Variants in HHIPL1 observed in about 807,000 individuals in gnomAD.
HHIPL1 encodes HHIP-like protein 1.
HHIPL1 carries 43 observed loss-of-function variants against 61.8 expected under a neutral mutation model. The observed-to-expected ratio is 0.70, with a 90% CI of 0.55 to 0.90. HHIPL1 has a LOEUF of 0.90. HHIPL1 is among the 40% of genes least tolerant of loss of function. The probability of loss-of-function intolerance (pLI) is 0.00; values close to 1 mark genes in which losing one functional copy is unlikely to be tolerated. For synonymous variants in HHIPL1, 482 were observed against 515.8 expected (o/e 0.93, Z 0.89); for missense variants, 1,056 against 1,157.7 (o/e 0.91, Z 1.28).
chr14:99,612,417 T>C, the HHIPL1 span, among the ~76,000 whole-genome samples: 1 of 152,148 alleles, frequency 6.6e-6, no homozygotes, highest in Non-Finnish European at 1.5e-5. Flanking sequence ...GCCCCATGTA[T>C]TGGGAATAAA....
intron 2 of HHIPL1, among the ~76,000 whole-genome samples, 198 bp from the exon 3 acceptor site, chr14:99,656,802 A>T: frequency 4.7e-4 from 1 of 2,150 alleles, no homozygotes; most frequent in Admixed American, 0.011. Context: ...AAAGAAAGAA[A>T]GAAAGAAAGA....
Position 99,660,404 on chromosome 14 carries a change from C to G in HHIPL1, c.1500C>G (p.Ser500Arg), listed in dbSNP as rs571358785. 1.2e-6 allele frequency: 2 copies of G among 1,612,430 alleles called. No individual in the cohort carries two copies. Among genetic ancestry groups the G allele is most frequent in the East Asian group, 2.2e-5 (1 of 44,788 alleles). The stretch of plus-strand genomic sequence containing the variant: ...TCTACATTTTTGGGGATTTCATGAG[C>G]GGGTAAGTGACCTAGTGCCCTCGCG... ...NGLYIFGDFM[S>R]GRLMSLQENP... The change falls in exon 5 of 9, where the codon AGC becomes AGG. Residue 500 changes from serine to arginine, a missense_variant and splice_region_variant. Coordinates refer to ENST00000330710, the MANE Select transcript of HHIPL1 (RefSeq NM_001127258.3). This position sits in a 1 kb window ranked among gnomAD's most constrained non-coding sequence, Gnocchi z 4.9.
At chr14:99,613,775 G>C in the HHIPL1 span, among the ~76,000 whole-genome samples, 2 of 152,038 alleles carry the variant, frequency 1.3e-5, no homozygotes, top group Non-Finnish European at 2.9e-5. Flanking sequence ...GCCGGGCGCA[G>C]TGGTGCACAC....
chr14:99,612,786 G>C, the HHIPL1 span, among the ~76,000 whole-genome samples: 1 of 152,062 alleles, frequency 6.6e-6, no homozygotes, highest in East Asian at 1.9e-4. Context: ...GGTTGCCCTG[G>C]GGGAGTCTGC....
At chr14:99,646,289 C>G (rs2055832467) in intron 1 of HHIPL1, among the ~76,000 whole-genome samples, 1 of 152,236 alleles carries the variant, frequency 6.6e-6, no homozygotes, top group Non-Finnish European at 1.5e-5. Flanking sequence ...GCATTCCTGC[C>G]TCAGCATCTG....
chr14:99,615,095 A>G, the HHIPL1 span, among the ~76,000 whole-genome samples: 2 of 152,202 alleles, frequency 1.3e-5, no homozygotes, highest in African/African-American at 2.4e-5. Context: ...TCCAAAAACT[A>G]GAAGGTCATG....
intron 3 of HHIPL1, among the ~76,000 whole-genome samples, chr14:99,658,260 A>G (rs564480738): frequency 1.3e-5 from 2 of 152,270 alleles, no homozygotes; most frequent in East Asian, 3.9e-4. Context: ...TAAAAACATT[A>G]TTTTGCTGCT....
intron 7 of HHIPL1, among the ~76,000 whole-genome samples, chr14:99,669,998 C>T (rs2056308384): frequency 1.3e-5 from 2 of 152,186 alleles, no homozygotes; most frequent in African/African-American, 4.8e-5. Flanking sequence ...CCTGTATGCC[C>T]CTTACCCTGT....
At chr14:99,616,876 A>C in the HHIPL1 span, among the ~76,000 whole-genome samples, 3 of 152,190 alleles carry the variant, frequency 2.0e-5, no homozygotes, top group Non-Finnish European at 4.4e-5. Flanking sequence ...TAAACCTTGC[A>C]AAAATGCAAG....
chr14:99,666,508 G>A lies in HHIPL1; in HGVS notation c.1649-1714G>A, dbSNP rs550645151. Reference sequence around the variant, plus strand: ...GGGGAAACTGTGGCTGACTATGAACGCCTGGTTATGGAGGAGGGGCACCAT... The same window carrying A: ...GGGGAAACTGTGGCTGACTATGAACACCTGGTTATGGAGGAGGGGCACCAT... On this transcript the variant is annotated intron_variant, in intron 6 of 8. Transcript: ENST00000330710. Among the ~76,000 whole-genome samples the A allele has an allele frequency of 4.6e-5, 7 of 152,312 alleles. No individual in the cohort carries two copies. In the East Asian group the frequency reaches 7.7e-4, roughly 17 times the overall value.
intron 7 of HHIPL1, among the ~76,000 whole-genome samples, chr14:99,671,239 C>T (rs947217322): frequency 3.3e-5 from 5 of 152,192 alleles, no homozygotes; most frequent in African/African-American, 1.2e-4. Flanking sequence ...ACTACCCACA[C>T]GTAACCACTG....
Position 99,657,036 on chromosome 14 carries a change from C to T in HHIPL1, c.939C>T (p.His313=). The part of the protein sequence containing the change: ...ILEVKEPASN[H]NGGQLLFGDD... Reference sequence around the variant, plus strand: ...AGGTCAAAGAACCAGCCTCAAACCACAACGGGGGCCAGCTGCTTTTCGGGG... The same window carrying T: ...AGGTCAAAGAACCAGCCTCAAACCATAACGGGGGCCAGCTGCTTTTCGGGG... Residue 313 remains histidine (H), a synonymous_variant, in exon 3 of 9, where the codon CAC becomes CAT. Coordinates refer to ENST00000330710, the MANE Select transcript of HHIPL1 (RefSeq NM_001127258.3). 6.2e-7 allele frequency: 1 copy of T among 1,613,412 alleles called. No individual in the cohort carries two copies. Among genetic ancestry groups the T allele is most frequent in the Non-Finnish European group, 8.5e-7 (1 of 1,179,696 alleles).
chr14:99,662,836 CCATGCCAGGCATGGCCT>C (rs1284476862), intron 5 of HHIPL1, 23 bp from the exon 6 acceptor site: 1 of 1,532,228 alleles, frequency 6.5e-7, no homozygotes, highest in Non-Finnish European at 8.8e-7. Context: ...CCCCTGGGTG[CCATGCCAGGCATGGCCT>C]CACAGCTCAT....
Position 99,675,411 on chromosome 14 carries a change from G to A in HHIPL1, c.2134G>A (p.Val712Met), listed in dbSNP as rs1032982284. 2.6e-6 allele frequency: 4 copies of A among 1,529,848 alleles called. No individual in the cohort carries two copies. Among genetic ancestry groups the A allele is most frequent in the Admixed American group, 3.9e-5 (2 of 50,672 alleles). 94.8% of individuals were successfully genotyped at this position (1,529,848 alleles called of 1,614,324 possible). A position where few individuals can be genotyped will look rare whatever the true frequency, so the allele number is the denominator to read the frequency against. ...DSWNISGAAV[V>M]CRQLGFAYAV... is the part of the protein sequence containing the mutation. ...CTGGAACATCAGCGGCGCCGCCGTCGTGTGTCGCCAGCTGGGGTTTGCCTA... is the reference window on the plus strand; with the variant it reads ...CTGGAACATCAGCGGCGCCGCCGTCATGTGTCGCCAGCTGGGGTTTGCCTA... Residue 712 changes from valine (V) to methionine (M), a missense_variant, in exon 9 of 9, where the codon GTG becomes ATG. Transcript: ENST00000330710. This position sits in a 1 kb window ranked among gnomAD's most constrained non-coding sequence, Gnocchi z 5.4.
rs147028094 is a variant in HHIPL1 at position 99,665,257 on chromosome 14, G to A, written c.1648+2236G>A. On this transcript the variant is annotated intron_variant, in intron 6 of 8. Coordinates refer to ENST00000330710, the MANE Select transcript of HHIPL1 (RefSeq NM_001127258.3). ...CAGGTGCAGCAGAGTATGGACAGCT[G>A]TGCAGAAATGTGATTGGACAAAAAG... Among the ~76,000 whole-genome samples, 23 of 152,300 alleles carry A rather than the reference G, an allele frequency of 1.5e-4. No homozygotes were observed. In the East Asian group the frequency reaches 4.4e-3, roughly 29 times the overall value.
chr14:99,646,806 TG>T (rs1160322484), intron 1 of HHIPL1, among the ~76,000 whole-genome samples: 14,005 of 93,710 alleles, frequency 0.15, 918 homozygotes, highest in East Asian at 0.28. Context: ...TGATATGATA[TG>T]ATATGATATG....
At chr14:99,662,840 G>C in intron 5 of HHIPL1, 36 bp from the exon 6 acceptor site, 1 of 1,538,536 alleles carries the variant, frequency 6.5e-7, no homozygotes, top group Non-Finnish European at 8.7e-7. Context: ...TGGGTGCCAT[G>C]CCAGGCATGG....
At chr14:99,654,971 G>C (rs958376299) in intron 2 of HHIPL1, among the ~76,000 whole-genome samples, 2 of 152,198 alleles carry the variant, frequency 1.3e-5, no homozygotes. Flanking sequence ...ATTTCAGAGT[G>C]GGGGCTCAGC....
chr14:99,631,558 C>G, the HHIPL1 span, among the ~76,000 whole-genome samples: 1 of 152,088 alleles, frequency 6.6e-6, no homozygotes, highest in Non-Finnish European at 1.5e-5. Flanking sequence ...GGTACACACA[C>G]GTGGGGTTGG....
Sources: allele counts gnomAD v4.1 joint callset (sites outside exome capture counted in the v4.1 genomes callset), GRCh38; gene constraint gnomAD v4.1.1; non-coding constraint Gnocchi (gnomAD v3.1); transcripts MANE v1.5; gene names NCBI Gene and HGNC (gene_info 2026-07-23, HGNC 2026-07-21).